Variants in RBBP4 observed in about 807,000 individuals in gnomAD.
The protein encoded by RBBP4 is RB binding protein 4, chromatin remodeling factor, also known as histone-binding protein RBBP4.
Under a neutral mutation model 57.2 loss-of-function variants are expected in RBBP4, and 3 were observed. The observed-to-expected ratio is 0.05, with a 90% confidence interval of 0.02 to 0.14. RBBP4 has a LOEUF of 0.14. Among genes scored for constraint, RBBP4 ranks in the 10% least tolerant of loss-of-function variants. The probability of loss-of-function intolerance (pLI) is 1.00; values close to 1 mark genes in which losing one functional copy is unlikely to be tolerated. For missense variants in RBBP4, 107 were observed against 520.6 expected, an observed-to-expected ratio of 0.21 and a Z score of 7.73; for synonymous variants, 151 against 171.5, an observed-to-expected ratio of 0.88 and a Z score of 0.93.
Position 32,681,552 on chromosome 1 carries a change from A to G in RBBP4, c.*1847A>G, listed in dbSNP as rs995255490. ...CATACATTCATCCTTCACTCAGTGC[A>G]TATGTGAGGGTTGTTGCTGGAAGAC... On this transcript the variant is annotated 3_prime_UTR_variant, in exon 12 of 12. Coordinates refer to ENST00000373493, the MANE Select transcript of RBBP4 (RefSeq NM_005610.3). 26 of 534,810 alleles carry G rather than the reference A, an allele frequency of 4.9e-5. No individual in the cohort carries two copies. The highest frequency in any genetic ancestry group is 5.1e-4 in the Middle Eastern group (1 of 1,974). 33.1% of individuals were successfully genotyped at this position (534,810 alleles called of 1,614,324 possible).
intron 11 of RBBP4, among the ~76,000 whole-genome samples, chr1:32,676,631 AAAAG>A (rs138777855): frequency 0.86 from 124,806 of 145,364 alleles, 55,106 homozygotes; most frequent in Non-Finnish European, 0.96. Context: ...AAAAAAAAGA[AAAAG>A]AAAAGCTGTT....
intron 3 of RBBP4, among the ~76,000 whole-genome samples, chr1:32,662,751 C>T (rs541877548): frequency 2.6e-5 from 4 of 151,758 alleles, no homozygotes; most frequent in South Asian, 2.1e-4. Context: ...CTTGGGAGGC[C>T]GAGGCTTATG....
Position 32,652,081 on chromosome 1 carries a change from C to T in RBBP4, c.164+20C>T. On this transcript the variant is annotated intron_variant, in intron 2 of 11. Transcript: ENST00000373493. ...AACCAGGTGACATGACTCTCCCGAA[C>T]GTTATTTTGATGTATTTTCAGTGTA... The T allele has an allele frequency of 1.3e-6, 2 of 1,599,668 alleles. No homozygotes were observed. Among genetic ancestry groups the T allele is most frequent in the South Asian group, 1.1e-5 (1 of 89,756 alleles).
intron 11 of RBBP4, among the ~76,000 whole-genome samples, chr1:32,676,629 GAAAA>G (rs1553196655): frequency 3.1e-5 from 1 of 32,348 alleles, no homozygotes; most frequent in Non-Finnish European, 1.5e-4. Context: ...AAAAAAAAAA[GAAAA>G]AGAAAAGCTG....
At chr1:32,657,178 A>T (rs558613601) in intron 2 of RBBP4, among the ~76,000 whole-genome samples, 16 of 152,276 alleles carry the variant, frequency 1.1e-4, no homozygotes, top group African/African-American at 3.4e-4. Context: ...CGGGAGGCTG[A>T]GGCATGAGAA....
intron 2 of RBBP4, 55 bp from the exon 3 acceptor site, chr1:32,657,372 T>G (rs1648190345): frequency 1.3e-6 from 2 of 1,541,198 alleles, no homozygotes; most frequent in Non-Finnish European, 1.8e-6. Context: ...TATTGTTGAC[T>G]TCGCCGTCTC....
intron 3 of RBBP4, 27 bp from the exon 4 acceptor site, chr1:32,668,198 C>T (rs757132099): frequency 1.9e-6 from 3 of 1,596,554 alleles, no homozygotes; most frequent in Non-Finnish European, 2.6e-6. Flanking sequence ...CTTGTTTTGT[C>T]CTCATTTGCA....
In RBBP4 at chr1:32,667,519, G is replaced by C. The variant is rs543919019; in HGVS notation, c.311-706G>C. On this transcript the variant is annotated intron_variant, in intron 3 of 11. Transcript: ENST00000373493. ...ATTTGGGGCCACTGCCGGTCTCTGC[G>C]TCTTGGTGGTAGTGGTCCCCCAGGC... Among the ~76,000 whole-genome samples the C allele has an allele frequency of 3.3e-5, 5 of 152,162 alleles. No individual in the cohort carries two copies. In the South Asian group the frequency reaches 6.2e-4, roughly 19 times the overall value.
chr1:32,665,502 AC>A (rs997615292), intron 3 of RBBP4, among the ~76,000 whole-genome samples: 12 of 151,414 alleles, frequency 7.9e-5, no homozygotes. Context: ...ACATGATGAA[AC>A]CCCGTCTCTA....
chr1:32,658,937 A>G (rs1185623881), intron 3 of RBBP4, among the ~76,000 whole-genome samples: 1 of 7,150 alleles, frequency 1.4e-4, no homozygotes, highest in East Asian at 0.5. Context: ...TGTTATATTT[A>G]TATATAAACA....
intron 3 of RBBP4, among the ~76,000 whole-genome samples, chr1:32,667,949 A>T (rs12034716): frequency 6.6e-6 from 1 of 152,146 alleles, no homozygotes; most frequent in Non-Finnish European, 1.5e-5. Flanking sequence ...TACATATGCA[A>T]TGTTTTTCTG....
At chr1:32,652,453 A>G (rs1647836549) in intron 2 of RBBP4, 1 of 183,576 alleles carries the variant, frequency 5.4e-6, no homozygotes, top group Non-Finnish European at 1.2e-5. Context: ...GGAGTTGGAG[A>G]CCAGCCCTGG....
intron 11 of RBBP4, among the ~76,000 whole-genome samples, chr1:32,679,264 T>C (rs1284703423): frequency 1.3e-5 from 2 of 152,094 alleles, no homozygotes; most frequent in Admixed American, 1.3e-4. Context: ...GCCACTGCAC[T>C]CCAGCCTGGG....
At chr1:32,662,691 G>A (rs1309177442) in intron 3 of RBBP4, among the ~76,000 whole-genome samples, 1 of 151,606 alleles carries the variant, frequency 6.6e-6, no homozygotes, top group African/African-American at 2.4e-5. Context: ...GTTTTTTAAG[G>A]AAGTGATATC....
chr1:32,680,683 A>C lies in RBBP4; in HGVS notation c.*978A>C. The C allele has an allele frequency of 1.3e-6, 1 of 768,014 alleles. No individual in the cohort carries two copies. Among genetic ancestry groups the C allele is most frequent in the Non-Finnish European group, 2.0e-6 (1 of 488,046 alleles). The allele number at this position is 768,014 out of a possible 1,614,324, so 47.6% of individuals were successfully genotyped here. On this transcript the variant is annotated 3_prime_UTR_variant, in exon 12 of 12. Transcript: ENST00000373493. ...ATGCTGATGGGTTTTATTTAGTATA[A>C]AACATCCATCAAACACCAGTCTCTG...
intron 3 of RBBP4, among the ~76,000 whole-genome samples, chr1:32,663,317 T>C (rs1025855271): frequency 1.3e-5 from 2 of 152,210 alleles, no homozygotes; most frequent in Non-Finnish European, 2.9e-5. Flanking sequence ...TTTAATAATA[T>C]TTATATGGAG....
chr1:32,651,835 G>T, intron 1 of RBBP4, 79 bp from the exon 2 acceptor site: 1 of 1,432,188 alleles, frequency 7.0e-7, no homozygotes, highest in East Asian at 2.4e-5. Context: ...TAGGCTGTAG[G>T]AGTCATGCAG....
At chr1:32,672,404 A>G in intron 8 of RBBP4, 46 bp from the exon 9 acceptor site, 1 of 1,426,514 alleles carries the variant, frequency 7.0e-7, no homozygotes, top group Non-Finnish European at 9.6e-7. Flanking sequence ...TTTTCCCTTT[A>G]TTTTCTAATT....
chr1:32,669,657 GA>G lies in RBBP4; in HGVS notation c.966+96del, dbSNP rs1406655643. ...TGTAATCCCAGCACTTTGGGAGGCT[GA>G]AGCGGGCGGATCACAAGGTCAGGAG... On this transcript the variant is annotated intron_variant, in intron 8 of 11. Transcript: ENST00000373493. The surrounding 1 kb of genome is among the most constrained non-coding windows in gnomAD (Gnocchi z 4.9). The G allele has an allele frequency of 5.5e-6, 8 of 1,467,006 alleles. No individual in the cohort carries two copies. In the African/African-American group the frequency reaches 7.1e-5, roughly 13 times the overall value. The allele number at this position is 1,467,006 out of a possible 1,614,324, so 90.9% of individuals were successfully genotyped here.
Sources: allele counts gnomAD v4.1 joint callset (sites outside exome capture counted in the v4.1 genomes callset), GRCh38; gene constraint gnomAD v4.1.1; non-coding constraint Gnocchi (gnomAD v3.1); transcripts MANE v1.5; gene names NCBI Gene and HGNC (gene_info 2026-07-23, HGNC 2026-07-21).